The following CLTA variants were observed in gnomAD, a reference collection of about 807,000 sequenced individuals.
CLTA encodes the protein clathrin light chain A, also known as clathrin, light polypeptide (Lca).
CLTA carries 9 observed loss-of-function variants against 26.9 expected under a neutral mutation model. The ratio of observed to expected loss-of-function variants is 0.33; its 90% confidence interval spans 0.20 to 0.58. The LOEUF (loss-of-function observed/expected upper bound fraction) is 0.58. Among genes scored for constraint, CLTA ranks in the 20% least tolerant of loss-of-function variants. CLTA has a pLI of 0.85. For synonymous variants in CLTA, 120 were observed against 115.5 expected, an observed-to-expected ratio of 1.04 and a Z score of -0.25; for missense variants, 278 against 294.2, an observed-to-expected ratio of 0.94 and a Z score of 0.40.
intron 4 of CLTA, among the ~76,000 whole-genome samples, chr9:36,205,612 A>G (rs1435849694): frequency 2.0e-5 from 3 of 152,144 alleles, no homozygotes; most frequent in Non-Finnish European, 4.4e-5. Flanking sequence ...ACTTAACACA[A>G]GTTTTCAAAC....
intron 4 of CLTA, chr9:36,209,397 C>A: frequency 8.7e-7 from 1 of 1,155,780 alleles, no homozygotes; most frequent in Non-Finnish European, 1.3e-6. Context: ...CCTTTTATGT[C>A]ACAAGTTGCT....
At chr9:36,199,633 T>G (rs1827288019) in intron 3 of CLTA, among the ~76,000 whole-genome samples, 1 of 151,790 alleles carries the variant, frequency 6.6e-6, no homozygotes, top group South Asian at 2.1e-4. Flanking sequence ...TTTTTGTATT[T>G]TTAGTAGAGA....
intron 3 of CLTA, 84 bp downstream of exon 3, chr9:36,199,180 A>G (rs1356475839): frequency 2.3e-6 from 2 of 876,950 alleles, no homozygotes; most frequent in African/African-American, 1.7e-5. Context: ...TTTAGCTCAC[A>G]TTAACCAGTG....
chr9:36,211,133 C>T (rs1049608764), intron 4 of CLTA, among the ~76,000 whole-genome samples: 2 of 152,206 alleles, frequency 1.3e-5, no homozygotes, highest in East Asian at 3.8e-4. Context: ...TCCTTTTGAT[C>T]TGCCCCGTTT....
chr9:36,197,107 C>T (rs12684464), intron 1 of CLTA, among the ~76,000 whole-genome samples: 16 of 152,138 alleles, frequency 1.1e-4, no homozygotes, highest in Non-Finnish European at 8.8e-5. Flanking sequence ...CCCAAAAGGT[C>T]GAGGCTACAG....
intron 1 of CLTA, among the ~76,000 whole-genome samples, chr9:36,194,026 A>G (rs947765982): frequency 6.6e-6 from 1 of 151,974 alleles, no homozygotes; most frequent in Non-Finnish European, 1.5e-5. Context: ...GTAAGGCACT[A>G]TTATGGTGTT....
chr9:36,207,849 C>A (rs1157499326), intron 4 of CLTA, among the ~76,000 whole-genome samples: 2 of 152,152 alleles, frequency 1.3e-5, no homozygotes, highest in African/African-American at 2.4e-5. Context: ...CAGGTTTAGT[C>A]CTTTGTGTAA....
At chr9:36,191,345 C>A (rs1826704515) in intron 1 of CLTA, 72 bp downstream of exon 1, 2 of 1,410,266 alleles carry the variant, frequency 1.4e-6, no homozygotes, top group Non-Finnish European at 1.8e-6. Flanking sequence ...CCGAGAGCTT[C>A]TGTGTGACTC....
intron 1 of CLTA, among the ~76,000 whole-genome samples, chr9:36,196,358 A>C (rs147465596): frequency 3.6e-4 from 29 of 81,602 alleles, no homozygotes; most frequent in Non-Finnish European, 6.2e-4. Flanking sequence ...TTTTTTTTTT[A>C]TTTTTTGAGA....
intron 4 of CLTA, among the ~76,000 whole-genome samples, chr9:36,205,064 TAGAC>T (rs1333226520): frequency 1.3e-5 from 2 of 152,210 alleles, no homozygotes; most frequent in Admixed American, 6.5e-5. Context: ...GCAGCTCTGT[TAGAC>T]AGAGATGTGG....
At chr9:36,209,091 C>A in intron 4 of CLTA, 1 of 226,644 alleles carries the variant, frequency 4.4e-6, no homozygotes. Flanking sequence ...CAGCGGGAAA[C>A]CAGGCCTGCT....
intron 1 of CLTA, among the ~76,000 whole-genome samples, chr9:36,195,431 G>A (rs1047809552): frequency 5.9e-5 from 9 of 151,664 alleles, no homozygotes; most frequent in African/African-American, 1.9e-4. Context: ...AGAAAATTCA[G>A]TAAAGAAGAA....
chr9:36,192,943 T>A (rs1219943332), intron 1 of CLTA, among the ~76,000 whole-genome samples: 1 of 152,228 alleles, frequency 6.6e-6, no homozygotes, highest in Non-Finnish European at 1.5e-5. Context: ...TACTGTTTTA[T>A]CTCCACTGCC....
In CLTA at chr9:36,191,111, C is replaced by G; in HGVS notation, c.55C>G (p.Leu19Val). Reference sequence around the variant, plus strand: ...TGCCGGCGCCCCTGGCGGTCCCGCGCTGGGGAACGGAGTGGCCGGCGCCGG... The same window carrying G: ...TGCCGGCGCCCCTGGCGGTCCCGCGGTGGGGAACGGAGTGGCCGGCGCCGG... ...APAGAPGGPALGNGVAGAGEE... is the reference protein window; with the variant it reads ...APAGAPGGPAVGNGVAGAGEE... The change falls in exon 1 of 5, where the codon CTG (leucine) becomes GTG (valine). Residue 19 changes from leucine to valine, a missense_variant. Transcript: ENST00000345519. 6.3e-7 allele frequency: 1 copy of G among 1,599,916 alleles called. No homozygotes were observed. The highest frequency in any genetic ancestry group is 8.5e-7 in the Non-Finnish European group (1 of 1,176,338).
At chr9:36,192,649 A>C (rs570855817) in intron 1 of CLTA, among the ~76,000 whole-genome samples, 49 of 146,780 alleles carry the variant, frequency 3.3e-4, no homozygotes, top group Non-Finnish European at 7.1e-4. Context: ...GAATTTTAAA[A>C]TTGACTTCTT....
chr9:36,191,462 A>T (rs1414382141), intron 1 of CLTA, among the ~76,000 whole-genome samples, 189 bp downstream of exon 1: 1 of 152,158 alleles, frequency 6.6e-6, no homozygotes, highest in Non-Finnish European at 1.5e-5. Context: ...GGTTCTCAGC[A>T]TGTTTGAGTG....
chr9:36,210,472 C>A, intron 4 of CLTA: 3 of 696,368 alleles, frequency 4.3e-6, no homozygotes, highest in Non-Finnish European at 3.5e-6. Context: ...TGCTGGGCAG[C>A]TGGGTGGCCA....
chr9:36,195,219 A>G (rs1452343203), intron 1 of CLTA, among the ~76,000 whole-genome samples: 2 of 152,196 alleles, frequency 1.3e-5, no homozygotes, highest in South Asian at 2.1e-4. Flanking sequence ...GTATTTGTCT[A>G]TCTCATAATA....
At position 36,204,068 on chromosome 9, in the gene CLTA, A is replaced by T. The variant is rs766248515; in HGVS notation, c.374A>T (p.Asp125Val). 1.9e-6 allele frequency: 3 copies of T among 1,614,112 alleles called. No homozygotes were observed. In the Admixed American group the frequency reaches 5.0e-5, roughly 27 times the overall value. ...GTCTTTCTCTTCTCTCCCTTCAAAG[A>T]TGCCAATTCTCGGAAGCAAGAAGCA... ...EEQMERLEAL[D>V]ANSRKQEAEW... Residue 125 changes from aspartate to valine, a missense_variant and splice_region_variant, in exon 4 of 5, where the codon GAT becomes GTT. Transcript: ENST00000345519.
Sources: gnomAD v4.1 joint callset for allele counts (sites outside exome capture counted in the v4.1 genomes callset) on GRCh38, gnomAD v4.1.1 for gene constraint, MANE v1.5 for transcripts, NCBI Gene and HGNC (gene_info 2026-07-23, HGNC 2026-07-21) for gene names.